Variants in PRDM16 observed in about 807,000 individuals in gnomAD.
PRDM16 encodes histone-lysine N-methyltransferase PRDM16.
Under a neutral mutation model 110.6 loss-of-function variants are expected in PRDM16, and 23 were observed. The ratio of observed to expected loss-of-function variants is 0.21; its 90% CI spans 0.15 to 0.29. PRDM16 has a LOEUF of 0.29. Ranked by LOEUF, PRDM16 falls within the 10% of genes least tolerant of loss-of-function variation. PRDM16 has a pLI of 1.00. For missense variants in PRDM16, 1,615 were observed against 1,794.3 expected, an observed-to-expected ratio of 0.90 and a Z score of 1.81; for synonymous variants, 799 against 781.8, an observed-to-expected ratio of 1.02 and a Z score of -0.37.
At chr1:3,296,219 A>G (rs928009140) in intron 3 of PRDM16, among the ~76,000 whole-genome samples, 1 of 152,130 alleles carries the variant, frequency 6.6e-6, no homozygotes, top group Non-Finnish European at 1.5e-5. Flanking sequence ...GCTGGCTGTG[A>G]GGCACACGAC....
At position 3,425,236 on chromosome 1, in the gene PRDM16, A is replaced by C. The variant is rs975183410; in HGVS notation, c.2940-345A>C. 1.4e-4 allele frequency: 25 copies of C among 181,708 alleles called. No individual in the cohort carries two copies. Among genetic ancestry groups the C allele is most frequent in the African/African-American group, 5.0e-4 (21 of 42,216 alleles). The allele number at this position is 181,708 out of a possible 1,614,324, so 11.3% of individuals were successfully genotyped here. A position where few individuals can be genotyped will look rare whatever the true frequency, so the allele number is the denominator to read the frequency against. On this transcript the variant is annotated intron_variant, in intron 12 of 16. Transcript: ENST00000270722. The surrounding 1 kb of genome is among the most constrained non-coding windows in gnomAD (Gnocchi z 6.9). ...GGGACTACAGGCGCCCACCACCACG[A>C]CTGGCTGATTTTTTTGTATTTTTAG...
rs1261753282 is a variant in PRDM16 at position 3,175,033 on chromosome 1, C to T, written c.38-11092C>T. 6.6e-6 allele frequency among the ~76,000 whole-genome samples: 1 copy of T among 152,190 alleles called. No homozygotes were observed. The highest frequency in any genetic ancestry group is 2.4e-5 in the African/African-American group (1 of 41,446). On this transcript the variant is annotated intron_variant, in intron 1 of 16. Transcript: ENST00000270722. The surrounding 1 kb of genome is among the most constrained non-coding windows in gnomAD (Gnocchi z 4.8). The stretch of plus-strand genomic sequence containing the variant: ...GCCGCAGGGCAGCCGCGGTCCCGGG[C>T]TGGTCAGAAGGTGGGACCAGCGGCC...
At chr1:3,288,979 C>G (rs908410255) in intron 3 of PRDM16, among the ~76,000 whole-genome samples, 1 of 152,172 alleles carries the variant, frequency 6.6e-6, no homozygotes, top group South Asian at 2.1e-4. Context: ...GCCATCCTTG[C>G]GTGCTCACCA....
chr1:3,151,233 C>A (rs1643770453), intron 1 of PRDM16, among the ~76,000 whole-genome samples: 1 of 152,224 alleles, frequency 6.6e-6, no homozygotes, highest in South Asian at 2.1e-4. Context: ...ACTCTGTACC[C>A]CCATCTGGTC....
intron 3 of PRDM16, among the ~76,000 whole-genome samples, chr1:3,331,549 T>G (rs544617054): frequency 1.3e-4 from 20 of 152,160 alleles, no homozygotes; most frequent in Non-Finnish European, 2.2e-4. Context: ...GGACGGGGGC[T>G]GCCAGGAGGG....
At chr1:3,222,523 C>G (rs1031668384) in intron 2 of PRDM16, among the ~76,000 whole-genome samples, 1 of 152,222 alleles carries the variant, frequency 6.6e-6, no homozygotes, top group Non-Finnish European at 1.5e-5. Flanking sequence ...GGAGGTGGAA[C>G]CTGCGGGGCC....
chr1:3,372,520 C>T (rs544339733), intron 3 of PRDM16, among the ~76,000 whole-genome samples: 30 of 152,334 alleles, frequency 2.0e-4, no homozygotes, highest in African/African-American at 4.1e-4. Context: ...CCTGGGCTCC[C>T]GCCTCACCCC....
intron 1 of PRDM16, among the ~76,000 whole-genome samples, chr1:3,071,944 G>A (rs1474992019): frequency 1.3e-5 from 2 of 152,210 alleles, no homozygotes; most frequent in African/African-American, 4.8e-5. Context: ...TCTGGATTGG[G>A]TCTTGTGAAG....
intron 2 of PRDM16, among the ~76,000 whole-genome samples, chr1:3,240,855 C>T (rs777356084): frequency 6.6e-6 from 1 of 152,242 alleles, no homozygotes; most frequent in Non-Finnish European, 1.5e-5. Flanking sequence ...TAAATCCTGG[C>T]GCTGGGACCC....
Position 3,412,213 on chromosome 1 carries a change from C to T in PRDM16, c.2016C>T (p.His672=). ...AGGTGCCTGTCTTCTATTCCCAGCA[C>T]TCATTCTTCCCGCCACCCGACGAGC... ...VAEVPVFYSQ[H]SFFPPPDEQL... is the part of the protein sequence containing the mutation. Residue 672 remains histidine, a synonymous_variant, in exon 9 of 17, where the codon CAC becomes CAT. Transcript: ENST00000270722. The T allele has an allele frequency of 6.2e-7, 1 of 1,606,770 alleles. No individual in the cohort carries two copies. The highest frequency in any genetic ancestry group is 8.5e-7 in the Non-Finnish European group (1 of 1,174,964).
chr1:3,167,071 C>T (rs1014387601), intron 1 of PRDM16, among the ~76,000 whole-genome samples: 3 of 152,146 alleles, frequency 2.0e-5, no homozygotes, highest in African/African-American at 4.8e-5. Flanking sequence ...AACACAGGGA[C>T]GATCTGGATT....
chr1:3,303,759 G>A (rs972403009), intron 3 of PRDM16, among the ~76,000 whole-genome samples: 1 of 152,244 alleles, frequency 6.6e-6, no homozygotes, highest in Non-Finnish European at 1.5e-5. Flanking sequence ...TGTGGGGTGC[G>A]GTGCATCTCA....
At chr1:3,183,076 T>C (rs1644229745) in intron 1 of PRDM16, among the ~76,000 whole-genome samples, 1 of 152,262 alleles carries the variant, frequency 6.6e-6, no homozygotes, top group East Asian at 1.9e-4. Context: ...TCACACGCTG[T>C]TACCCAGCCT....
At chr1:3,150,741 C>CA (rs1163725205) in intron 1 of PRDM16, among the ~76,000 whole-genome samples, 2 of 151,854 alleles carry the variant, frequency 1.3e-5, no homozygotes, top group African/African-American at 4.8e-5. Flanking sequence ...CAGGGGAACT[C>CA]AGAGTTTTTC....
chr1:3,090,748 G>A (rs758800501), intron 1 of PRDM16, among the ~76,000 whole-genome samples: 1 of 152,258 alleles, frequency 6.6e-6, no homozygotes, highest in Non-Finnish European at 1.5e-5. Flanking sequence ...ACCCCAGATT[G>A]AAAGGGGCCA....
At chr1:3,326,164 G>T (rs1016256043) in intron 3 of PRDM16, among the ~76,000 whole-genome samples, 1 of 150,748 alleles carries the variant, frequency 6.6e-6, no homozygotes, top group Admixed American at 6.6e-5. Flanking sequence ...GGCCATCCTC[G>T]ACCATCCTTG....
intron 1 of PRDM16, among the ~76,000 whole-genome samples, chr1:3,078,852 A>G (rs1362768222): frequency 6.6e-6 from 1 of 152,228 alleles, no homozygotes. Context: ...AGACTTCACC[A>G]TGGCTCCCGT....
At chr1:3,302,726 C>T (rs1175946086) in intron 3 of PRDM16, among the ~76,000 whole-genome samples, 2 of 152,104 alleles carry the variant, frequency 1.3e-5, no homozygotes. Context: ...ACAGTGAAAT[C>T]GGCCACAAAA....
intron 1 of PRDM16, among the ~76,000 whole-genome samples, chr1:3,082,612 C>A (rs547762995): frequency 6.6e-6 from 1 of 152,238 alleles, no homozygotes; most frequent in Admixed American, 6.5e-5. Context: ...ATCCATGCCT[C>A]GGCTGGGTCA....
Sources: gnomAD v4.1 joint callset for allele counts (sites outside exome capture counted in the v4.1 genomes callset) on GRCh38, gnomAD v4.1.1 for gene constraint, Gnocchi (gnomAD v3.1) non-coding constraint, MANE v1.5 for transcripts, NCBI Gene and HGNC (gene_info 2026-07-23, HGNC 2026-07-21) for gene names.